LIMK1: variants seen among roughly 807,000 people sequenced by gnomAD.
LIMK1 encodes LIM domain kinase 1.
LIMK1 carries 21 observed loss-of-function variants against 77.6 expected under a neutral mutation model. The ratio of observed to expected loss-of-function variants is 0.27; its 90% CI spans 0.19 to 0.39. LIMK1 has a LOEUF of 0.39. Among genes scored for constraint, LIMK1 ranks in the 10% least tolerant of loss-of-function variants. The probability of loss-of-function intolerance (pLI) is 1.00; values close to 1 mark genes in which losing one functional copy is unlikely to be tolerated. For missense variants in LIMK1, 696 were observed against 901.6 expected (o/e 0.77, Z 2.92); for synonymous variants, 358 against 370.0 (o/e 0.97, Z 0.37).
At position 74,099,147 on chromosome 7, in the gene LIMK1, C is replaced by T; in HGVS notation, c.517C>T (p.His173Tyr). The change falls in exon 5 of 16, where the codon CAT becomes TAT. Residue 173 changes from histidine to tyrosine, a missense_variant. Physicochemically the swap from His to Tyr is moderately conservative, Grantham distance 83. Coordinates refer to ENST00000336180, the MANE Select transcript of LIMK1 (RefSeq NM_002314.4). Reference protein sequence around the residue: ...VTLVSIPASSHGKRGLSVSID... With the variant: ...VTLVSIPASSYGKRGLSVSID... ...CCTGGTGTCCATCCCAGCCTCATCT[C>T]ATGGCAAGCGTGGACTTTCAGTCTC... 1 of 1,613,724 alleles carries T rather than the reference C, an allele frequency of 6.2e-7. No individual in the cohort carries two copies. Among genetic ancestry groups the T allele is most frequent in the Non-Finnish European group, 8.5e-7 (1 of 1,180,034 alleles).
chr7:74,115,652 A>G (rs1200378052), intron 12 of LIMK1, 150 bp from the exon 13 acceptor site: 25 of 749,724 alleles, frequency 3.3e-5, no homozygotes, highest in Non-Finnish European at 5.3e-5. Flanking sequence ...GGGTTTGGGG[A>G]AGGAAGGGGT....
At chr7:74,096,967 C>A (rs986786210) in intron 3 of LIMK1, 113 bp from the exon 4 acceptor site, 39 of 1,038,000 alleles carry the variant, frequency 3.8e-5, no homozygotes, top group Non-Finnish European at 5.2e-5. Context: ...GCTGGCCAGC[C>A]GGGTCCCTGC....
chr7:74,112,371 G>A lies in LIMK1; in HGVS notation c.1410+373G>A, dbSNP rs568378936. On this transcript the variant is annotated intron_variant, in intron 12 of 15. Transcript: ENST00000336180. ...CACCAGACAGCACCAGCATCTGGGG[G>A]CCACAGAGTGGGGGCATAGGCGTAT... Among the ~76,000 whole-genome samples the A allele has an allele frequency of 3.3e-5, 5 of 152,294 alleles. No individual in the cohort carries two copies. The South Asian group carries it at 8.3e-4, about 25-fold the overall frequency.
Position 74,097,205 on chromosome 7 carries a change from C to T in LIMK1, c.401+16C>T, listed in dbSNP as rs1554695803. ...AGCTGTACTGGTGAGTGCCTTGGCC[C>T]CTCCCTGAGCCTAGGAGGCCCACCT... is the stretch of plus-strand genomic sequence containing the variant. On this transcript the variant is annotated intron_variant, in intron 4 of 15. Transcript: ENST00000336180. 2 of 1,539,842 alleles carry T rather than the reference C, an allele frequency of 1.3e-6. No homozygotes were observed. The highest frequency in any genetic ancestry group is 2.7e-5 in the African/African-American group (2 of 73,034).
In LIMK1 at chr7:74,108,713, G is replaced by A. The variant is rs560522146; in HGVS notation, c.1153-192G>A. 1.5e-4 allele frequency among the ~76,000 whole-genome samples: 22 copies of A among 151,622 alleles called. No homozygotes were observed. The East Asian group carries it at 2.9e-3, about 20-fold the overall frequency. ...GCAGGGGACTGGGAAAAAGAGCATC[G>A]CTGGGGGTGGGGGCAGCTCAAGCAG... On this transcript the variant is annotated intron_variant, in intron 9 of 15. Coordinates refer to ENST00000336180, the MANE Select transcript of LIMK1 (RefSeq NM_002314.4).
chr7:74,120,692 A>G, intron 14 of LIMK1, 54 bp downstream of exon 14: 1 of 1,591,548 alleles, frequency 6.3e-7, no homozygotes, highest in Admixed American at 1.7e-5. Flanking sequence ...CTCCCCACTC[A>G]CCCAGGCTGC....
intron 10 of LIMK1, chr7:74,111,315 A>G (rs1177774631): frequency 3.3e-6 from 1 of 306,382 alleles, no homozygotes; most frequent in South Asian, 4.6e-5. Context: ...GCGCATGCCC[A>G]TAGTCCCAGC....
In LIMK1 at chr7:74,121,603, C is replaced by G. The variant is rs1298413399; in HGVS notation, c.*302C>G. 2.6e-6 allele frequency: 1 copy of G among 391,856 alleles called. No individual in the cohort carries two copies. Among genetic ancestry groups the G allele is most frequent in the Non-Finnish European group, 4.6e-6 (1 of 218,182 alleles). 24.3% of individuals were successfully genotyped at this position (391,856 alleles called of 1,614,324 possible). On this transcript the variant is annotated 3_prime_UTR_variant, in exon 16 of 16. Transcript: ENST00000336180. ...TGGAGGGCCTGTGTGAGTTACGCCC[C>G]TTTCCACACGCCGCTGCCCCAGCAA...
intron 9 of LIMK1, among the ~76,000 whole-genome samples, chr7:74,108,292 C>T (rs4363088): frequency 6.6e-6 from 1 of 151,812 alleles, no homozygotes; most frequent in Non-Finnish European, 1.5e-5. Context: ...GAGCCATGAT[C>T]GCACCACTGC....
chr7:74,102,382 A>C (rs1466049316), intron 5 of LIMK1, among the ~76,000 whole-genome samples: 1 of 151,490 alleles, frequency 6.6e-6, no homozygotes, highest in Admixed American at 6.6e-5. Context: ...ATATTTGTAC[A>C]TACATGTACA....
intron 13 of LIMK1, among the ~76,000 whole-genome samples, chr7:74,118,680 G>A (rs1584134485): frequency 6.6e-6 from 1 of 151,916 alleles, no homozygotes; most frequent in Non-Finnish European, 1.5e-5. Context: ...AACCCAGGAG[G>A]CAGAGGCAGG....
rs1213229889 is a variant in LIMK1 at position 74,097,118 on chromosome 7, C to G, written c.330C>G (p.Ile110Met). 2 of 1,613,696 alleles carry G rather than the reference C, an allele frequency of 1.2e-6. No homozygotes were observed. The highest frequency in any genetic ancestry group is 1.3e-5 in the African/African-American group (1 of 74,928). Residue 110 changes from isoleucine (I) to methionine (M), a missense_variant, in exon 4 of 16, where the codon ATC (isoleucine) becomes ATG (methionine). Physicochemically the swap from Ile to Met is conservative, Grantham distance 10 (BLOSUM62 1). This residue lies in a region of LIMK1 where 252 missense variants were observed against 279.4 expected (regional missense o/e 0.90). Coordinates refer to ENST00000336180, the MANE Select transcript of LIMK1 (RefSeq NM_002314.4). Reference protein sequence around the residue: ...GELKYHPECFICLTCGTFIGD... With the variant: ...GELKYHPECFMCLTCGTFIGD... ...TGAAGTACCACCCCGAGTGTTTCAT[C>G]TGCCTCACGTGTGGGACCTTTATCG...
At chr7:74,111,795 A>G in intron 11 of LIMK1, 88 bp downstream of exon 11, 1 of 1,467,272 alleles carries the variant, frequency 6.8e-7, no homozygotes, top group South Asian at 1.2e-5. Flanking sequence ...AAGAGGGCAG[A>G]GGGGGTCGAT....
intron 1 of LIMK1, 127 bp from the exon 2 acceptor site, chr7:74,085,621 C>CGCTGCACATGTGCAGTGT (rs1799120477): frequency 1.3e-6 from 1 of 761,764 alleles, no homozygotes; most frequent in African/African-American, 1.7e-5. Flanking sequence ...CCTGCCTGGG[C>CGCTGCACATGTGCAGTGT]GCTGCACATG....
intron 10 of LIMK1, 42 bp downstream of exon 10, chr7:74,109,078 C>G (rs554352434): frequency 2.7e-6 from 4 of 1,503,782 alleles, no homozygotes; most frequent in Middle Eastern, 1.7e-4. Flanking sequence ...TGTGCGGCCC[C>G]GGGCAAAGCA....
At position 74,105,924 on chromosome 7, in the gene LIMK1, G is replaced by A. The variant is rs546124114; in HGVS notation, c.658G>A (p.Gly220Arg). The A allele has an allele frequency of 9.9e-6, 16 of 1,614,062 alleles. No individual in the cohort carries two copies. The highest frequency in any genetic ancestry group is 5.0e-5 in the Admixed American group (3 of 59,990). The change falls in exon 6 of 16, where the codon GGA (glycine) becomes AGA (arginine). Residue 220 changes from glycine (G) to arginine (R), a missense_variant. By Grantham distance (125) the Gly-to-Arg change is moderately radical (BLOSUM62 -2). Around this residue, in one of 3 missense-constraint regions of LIMK1, gnomAD observed 6 missense variants for 19.9 expected, o/e 0.30. Transcript: ENST00000336180. ...AGATGTGAAGAATTCCATCCACGTCGGAGACCGGATCTTGGAAATCAATGG... is the reference window on the plus strand; with the variant it reads ...AGATGTGAAGAATTCCATCCACGTCAGAGACCGGATCTTGGAAATCAATGG... ...SPDVKNSIHVGDRILEINGTP... is the reference protein window; with the variant it reads ...SPDVKNSIHVRDRILEINGTP...
At chr7:74,097,839 C>G (rs1369873643) in intron 4 of LIMK1, among the ~76,000 whole-genome samples, 2 of 152,224 alleles carry the variant, frequency 1.3e-5, no homozygotes, top group Non-Finnish European at 2.9e-5. Flanking sequence ...GTCCCCAACC[C>G]ACTCACACTT....
At position 74,107,198 on chromosome 7, in the gene LIMK1, A is replaced by G. The variant is rs1252317485; in HGVS notation, c.1065+5A>G. 3 of 1,601,124 alleles carry G rather than the reference A, an allele frequency of 1.9e-6. No individual in the cohort carries two copies. Among genetic ancestry groups the G allele is most frequent in the Non-Finnish European group, 1.7e-6 (2 of 1,173,956 alleles). ...TGCTTCGGCCAGGCTATCAAGGTACAGAGCATGCCAGGGTCTCAGGGGACA... is the reference window on the plus strand; with the variant it reads ...TGCTTCGGCCAGGCTATCAAGGTACGGAGCATGCCAGGGTCTCAGGGGACA... On this transcript the variant is annotated splice_donor_5th_base_variant and intron_variant, in intron 8 of 15. Coordinates refer to ENST00000336180, the MANE Select transcript of LIMK1 (RefSeq NM_002314.4).
chr7:74,093,352 G>A, intron 2 of LIMK1: 1 of 1,534,010 alleles, frequency 6.5e-7, no homozygotes. Flanking sequence ...AGGGCCCCTG[G>A]TGTAAGGCCT....
Sources: gnomAD v4.1 joint callset for allele counts (sites outside exome capture counted in the v4.1 genomes callset) on GRCh38, gnomAD v4.1.1 for gene constraint, gnomAD v4.1.1 regional missense constraint, MANE v1.5 for transcripts, NCBI Gene and HGNC (gene_info 2026-07-23, HGNC 2026-07-21) for gene names.